Variants in KIAA2012 observed in about 807,000 individuals in gnomAD.
KIAA2012 encodes KIAA2012.
KIAA2012 carries 125 observed loss-of-function variants against 150.6 expected under a neutral mutation model. The ratio of observed to expected loss-of-function variants is 0.83; its 90% CI spans 0.72 to 0.96. The LOEUF is 0.96. KIAA2012 is among the 40% of genes least tolerant of loss of function. The pLI is 0.00. For synonymous variants in KIAA2012, 462 were observed against 504.7 expected (o/e 0.92, Z 1.13); for missense variants, 1,219 against 1,354.9 (o/e 0.90, Z 1.57).
At chr2:202,193,752 G>A (rs1329626912) in intron 20 of KIAA2012, among the ~76,000 whole-genome samples, 2 of 152,192 alleles carry the variant, frequency 1.3e-5, no homozygotes, top group Non-Finnish European at 2.9e-5. Context: ...AGAACCCCAT[G>A]TGAGGGTTAC....
At chr2:202,160,732 G>A (rs963593417) in intron 14 of KIAA2012, among the ~76,000 whole-genome samples, 2 of 152,148 alleles carry the variant, frequency 1.3e-5, no homozygotes, top group Non-Finnish European at 2.9e-5. Context: ...CATTTAGAAA[G>A]TATTGAAATT....
At chr2:202,125,886 T>C in intron 12 of KIAA2012, 1 of 443,606 alleles carries the variant, frequency 2.3e-6, no homozygotes, top group Non-Finnish European at 4.5e-6. Flanking sequence ...CTTTCTCTCC[T>C]AAAAATAGTC....
chr2:202,163,221 A>G (rs1453430584), intron 14 of KIAA2012, among the ~76,000 whole-genome samples: 1 of 148,932 alleles, frequency 6.7e-6, no homozygotes, highest in Admixed American at 6.8e-5. Context: ...CTCCTGCCTC[A>G]GCCTCCTGAG....
chr2:202,130,265 TCAC>T (rs1312889973), intron 12 of KIAA2012, among the ~76,000 whole-genome samples: 2 of 152,204 alleles, frequency 1.3e-5, no homozygotes, highest in Admixed American at 6.5e-5. Context: ...TTTAGTTTTA[TCAC>T]CAATAGATAC....
intron 15 of KIAA2012, among the ~76,000 whole-genome samples, chr2:202,167,948 T>A (rs545531189): frequency 6.6e-6 from 1 of 152,168 alleles, no homozygotes; most frequent in Admixed American, 6.5e-5. Context: ...GATTATGTAG[T>A]CTGATTCCCA....
At chr2:202,192,874 C>T (rs937693773) in intron 19 of KIAA2012, among the ~76,000 whole-genome samples, 2 of 152,106 alleles carry the variant, frequency 1.3e-5, no homozygotes, top group African/African-American at 4.8e-5. Flanking sequence ...CTTCAGCCTC[C>T]CAAAATGCTG....
At chr2:202,160,037 C>G (rs1006310095) in intron 14 of KIAA2012, among the ~76,000 whole-genome samples, 1 of 152,116 alleles carries the variant, frequency 6.6e-6, no homozygotes, top group Non-Finnish European at 1.5e-5. Context: ...TTCCTGTCAC[C>G]CTTCCCAGTA....
rs1274317115 is a variant in KIAA2012 at position 202,190,417 on chromosome 2, C to T, written c.2735C>T (p.Ser912Leu). The change falls in exon 19 of 24, where the codon TCA becomes TTA. Residue 912 changes from serine to leucine, a missense_variant. Physicochemically the swap from Ser to Leu is moderately radical, Grantham distance 145. Coordinates refer to ENST00000498697, the MANE Select transcript of KIAA2012 (RefSeq NM_001277372.4). The stretch of plus-strand genomic sequence containing the variant: ...AGCCAAGTTTCTCTAGATGGAAGAT[C>T]ATCACCCTCTCAGATTGCAACTGTC... ...QESQVSLDGR[S>L]SPSQIATVTG... 5.8e-6 allele frequency: 9 copies of T among 1,550,290 alleles called. No individual in the cohort carries two copies. In the East Asian group the frequency reaches 2.2e-4, roughly 38 times the overall value.
intron 22 of KIAA2012, among the ~76,000 whole-genome samples, chr2:202,199,110 G>T (rs1055887589): frequency 2.0e-5 from 3 of 152,128 alleles, no homozygotes; most frequent in Non-Finnish European, 4.4e-5. Flanking sequence ...AATTTATAAG[G>T]CTAGTCCAAG....
chr2:202,107,311 T>G (rs899734954), intron 9 of KIAA2012, among the ~76,000 whole-genome samples: 4 of 152,124 alleles, frequency 2.6e-5, no homozygotes, highest in Non-Finnish European at 4.4e-5. Context: ...ACATTCAGGT[T>G]TCGAGAATGT....
chr2:202,126,480 C>T (rs1690790850), intron 12 of KIAA2012, among the ~76,000 whole-genome samples: 1 of 152,142 alleles, frequency 6.6e-6, no homozygotes, highest in African/African-American at 2.4e-5. Flanking sequence ...TCTGCATTCC[C>T]CCTTGCCATC....
At chr2:202,168,999 C>T (rs746392425) in intron 15 of KIAA2012, among the ~76,000 whole-genome samples, 28 of 152,082 alleles carry the variant, frequency 1.8e-4, no homozygotes, top group Non-Finnish European at 3.4e-4. Context: ...TAACAAAGGC[C>T]AAAGTAAAGT....
At chr2:202,192,136 C>T (rs888979288) in intron 19 of KIAA2012, among the ~76,000 whole-genome samples, 2 of 152,150 alleles carry the variant, frequency 1.3e-5, no homozygotes, top group African/African-American at 4.8e-5. Context: ...ACCTATGGGC[C>T]GAACTTTTCT....
At chr2:202,136,022 G>T (rs1424173350) in intron 12 of KIAA2012, 1 of 346,218 alleles carries the variant, frequency 2.9e-6, no homozygotes, top group Non-Finnish European at 5.8e-6. Flanking sequence ...TTTTGAAACA[G>T]AGTCTCACTC....
At chr2:202,119,218 G>C (rs1690600847) in intron 11 of KIAA2012, among the ~76,000 whole-genome samples, 1 of 151,772 alleles carries the variant, frequency 6.6e-6, no homozygotes. Context: ...ATTGCAGTGA[G>C]CCAAGATAGT....
intron 5 of KIAA2012, 58 bp downstream of exon 5, chr2:202,097,635 G>C (rs6435124): frequency 0.52 from 788,285 of 1,525,618 alleles, 206,724 homozygotes; most frequent in African/African-American, 0.59. Context: ...TGTCACCCAG[G>C]CTAGAGTGCA....
Position 202,113,364 on chromosome 2 carries a change from C to T in KIAA2012, c.1680C>T (p.His560=), listed in dbSNP as rs1041908182. The T allele has an allele frequency of 1.4e-5, 21 of 1,550,658 alleles. No individual in the cohort carries two copies. In the Admixed American group the frequency reaches 3.3e-4, roughly 25 times the overall value. ...QEDSSDPTLG[H]FLLGPDGEKV... The stretch of plus-strand genomic sequence containing the variant: ...ATTCCAGCGACCCTACACTGGGACA[C>T]TTCTTGCTGGGTCCAGATGGAGAAA... The change falls in exon 11 of 24, where the codon CAC becomes CAT. Residue 560 remains histidine, a synonymous_variant. Transcript: ENST00000498697.
chr2:202,139,065 A>G (rs1401146870), intron 13 of KIAA2012, among the ~76,000 whole-genome samples: 1 of 151,750 alleles, frequency 6.6e-6, no homozygotes, highest in East Asian at 1.9e-4. Context: ...GGTGAAACCA[A>G]CCCCGTGTCT....
intron 2 of KIAA2012, among the ~76,000 whole-genome samples, chr2:202,086,778 T>C (rs191392108): frequency 1.9e-3 from 283 of 152,330 alleles, no homozygotes; most frequent in African/African-American, 6.5e-3. Context: ...TCTAGAGCGC[T>C]TTCCCAGGCT....
Sources: gnomAD v4.1 joint callset for allele counts (sites outside exome capture counted in the v4.1 genomes callset) on GRCh38, gnomAD v4.1.1 for gene constraint, MANE v1.5 for transcripts, NCBI Gene and HGNC (gene_info 2026-07-23, HGNC 2026-07-21) for gene names.